The following NKAIN2 variants were observed in gnomAD, a reference collection of about 807,000 sequenced individuals.
NKAIN2 encodes the protein sodium/potassium-transporting ATPase subunit beta-1-interacting protein 2.
A neutral mutation model predicts 32.6 loss-of-function variants in NKAIN2; 14 were observed. That is an observed-to-expected ratio of 0.43 (90% CI 0.28 to 0.67). The LOEUF (loss-of-function observed/expected upper bound fraction) is 0.67, where lower values mean the gene tolerates loss of function less well. Among genes scored for constraint, NKAIN2 ranks in the 30% least tolerant of loss-of-function variants. The probability of loss-of-function intolerance (pLI) is 0.17; values close to 1 mark genes in which losing one functional copy is unlikely to be tolerated. For synonymous variants in NKAIN2, 80 were observed against 87.2 expected (o/e 0.92, Z 0.46); for missense variants, 198 against 258.3 (o/e 0.77, Z 1.60).
chr6:123,950,627 T>A (rs1426997903), intron 1 of NKAIN2, among the ~76,000 whole-genome samples: 1 of 151,936 alleles, frequency 6.6e-6, no homozygotes, highest in Non-Finnish European at 1.5e-5. Flanking sequence ...TGTATTTGTA[T>A]GGTATCAGTT....
At chr6:124,032,588 C>T in intron 1 of NKAIN2, among the ~76,000 whole-genome samples, 1 of 152,016 alleles carries the variant, frequency 6.6e-6, no homozygotes, top group East Asian at 1.9e-4. Flanking sequence ...ATAGATAACA[C>T]ATTCATATTG....
intron 1 of NKAIN2, among the ~76,000 whole-genome samples, chr6:123,819,285 A>C (rs1010995422): frequency 6.6e-6 from 1 of 152,174 alleles, no homozygotes; most frequent in Non-Finnish European, 1.5e-5. Context: ...GATTGGAGAA[A>C]GACTACTGTA....
intron 4 of NKAIN2, among the ~76,000 whole-genome samples, chr6:124,733,325 C>A (rs146511133): frequency 9.2e-5 from 14 of 151,822 alleles, no homozygotes; most frequent in Admixed American, 1.3e-4. Flanking sequence ...TTAATAATAT[C>A]ATTTAGGAGG....
At chr6:124,272,752 T>C (rs114511681) in intron 1 of NKAIN2, among the ~76,000 whole-genome samples, 5,928 of 152,248 alleles carry the variant, frequency 0.039, 360 homozygotes, top group African/African-American at 0.13. Context: ...AAAGCAGCTA[T>C]GGCAACTGTA....
chr6:124,742,041 C>G (rs948944354), intron 4 of NKAIN2, among the ~76,000 whole-genome samples: 1 of 151,802 alleles, frequency 6.6e-6, no homozygotes, highest in African/African-American at 2.4e-5. Flanking sequence ...TCCATCAACT[C>G]TATGTTTCTC....
chr6:124,823,211 C>G lies in NKAIN2; in HGVS notation c.618-9C>G, dbSNP rs746571671. 1.9e-6 allele frequency: 3 copies of G among 1,590,630 alleles called. No individual in the cohort carries two copies. The highest frequency in any genetic ancestry group is 4.5e-5 in the East Asian group (2 of 44,794). On this transcript the variant is annotated splice_polypyrimidine_tract_variant and intron_variant, in intron 6 of 6. Transcript: ENST00000368417. Reference sequence around the variant, plus strand: ...CCCCTTGACTAAAAACATCTTTTCTCTCTCTCAGGTCAAAATAATACAGAT... The same window carrying G: ...CCCCTTGACTAAAAACATCTTTTCTGTCTCTCAGGTCAAAATAATACAGAT...
chr6:124,324,037 C>T (rs559443963), intron 2 of NKAIN2, among the ~76,000 whole-genome samples: 40 of 152,072 alleles, frequency 2.6e-4, no homozygotes, highest in African/African-American at 9.2e-4. Flanking sequence ...GTGATCCACC[C>T]GCCTCAGCCT....
intron 1 of NKAIN2, among the ~76,000 whole-genome samples, chr6:123,883,607 C>A (rs1773561810): frequency 6.6e-6 from 1 of 151,240 alleles, no homozygotes; most frequent in Non-Finnish European, 1.5e-5. Context: ...TCCTTGTAAG[C>A]CTTCAGAACC....
At chr6:123,976,462 G>A (rs1778645338) in intron 1 of NKAIN2, among the ~76,000 whole-genome samples, 1 of 141,592 alleles carries the variant, frequency 7.1e-6, no homozygotes, top group African/African-American at 2.6e-5. Flanking sequence ...ATGTGATTGT[G>A]GGGACTAAAA....
Position 123,849,949 on chromosome 6 carries a change from G to GTTTTTTTTTTTTTTT in NKAIN2, c.54+45707_54+45708insTTTTTTTTTTTTTTT, listed in dbSNP as rs777466801. Among the ~76,000 whole-genome samples, 39 of 38,728 alleles carry GTTTTTTTTTTTTTTT rather than the reference G, an allele frequency of 1.0e-3. 4 individuals are homozygous for GTTTTTTTTTTTTTTT. The highest frequency in any genetic ancestry group is 1.5e-3 in the African/African-American group (36 of 24,358). The allele number at this position is 38,728 out of a possible 152,430, so 25.4% of individuals were successfully genotyped here. The stretch of plus-strand genomic sequence containing the variant: ...TGGTTTCACTCTGTAACTCAGGCTG[G>GTTTTTTTTTTTTTTT]TTTTTTTTTTTTGTTTGTTTGTTTT... On this transcript the variant is annotated intron_variant, in intron 1 of 6. Transcript: ENST00000368417.
intron 3 of NKAIN2, among the ~76,000 whole-genome samples, chr6:124,438,102 C>T (rs1046302314): frequency 6.6e-6 from 1 of 152,022 alleles, no homozygotes; most frequent in African/African-American, 2.4e-5. Flanking sequence ...AAATGGCTTT[C>T]TCAACACATA....
At chr6:124,343,619 T>C (rs1009422374) in intron 2 of NKAIN2, among the ~76,000 whole-genome samples, 1 of 151,672 alleles carries the variant, frequency 6.6e-6, no homozygotes, top group African/African-American at 2.4e-5. Context: ...TTTGGCTGCA[T>C]AAATGTCTTC....
chr6:124,564,877 A>G (rs1392499971), intron 3 of NKAIN2, among the ~76,000 whole-genome samples: 1 of 152,226 alleles, frequency 6.6e-6, no homozygotes. Flanking sequence ...TCTACTTTAA[A>G]TAAACGTAAG....
intron 3 of NKAIN2, among the ~76,000 whole-genome samples, chr6:124,515,214 C>T (rs1371049788): frequency 4.6e-5 from 7 of 151,994 alleles, no homozygotes; most frequent in African/African-American, 1.7e-4. Context: ...GCCTTGGTCA[C>T]TTTGTGTTGC....
At chr6:123,852,131 A>G (rs1775373336) in intron 1 of NKAIN2, among the ~76,000 whole-genome samples, 1 of 152,136 alleles carries the variant, frequency 6.6e-6, no homozygotes, top group Admixed American at 6.5e-5. Context: ...TTTTTGTCCA[A>G]TGTTATAAGG....
intron 1 of NKAIN2, among the ~76,000 whole-genome samples, chr6:123,991,280 C>T (rs1053421270): frequency 6.6e-6 from 1 of 152,032 alleles, no homozygotes; most frequent in Admixed American, 6.6e-5. Flanking sequence ...CCTGTATTTC[C>T]TGAAATGTTC....
At chr6:124,016,904 G>GTAGA (rs1447671606) in intron 1 of NKAIN2, among the ~76,000 whole-genome samples, 1 of 152,134 alleles carries the variant, frequency 6.6e-6, no homozygotes, top group Non-Finnish European at 1.5e-5. Context: ...AACACTTGTG[G>GTAGA]TAGACTAAGA....
chr6:123,871,965 C>G (rs1395414217), intron 1 of NKAIN2, among the ~76,000 whole-genome samples: 2 of 152,118 alleles, frequency 1.3e-5, no homozygotes, highest in African/African-American at 4.8e-5. Flanking sequence ...CTTTAAAGAG[C>G]AGTGGATTCT....
At chr6:124,754,210 G>GTAATT (rs1777856987) in intron 4 of NKAIN2, among the ~76,000 whole-genome samples, 1 of 151,906 alleles carries the variant, frequency 6.6e-6, no homozygotes, top group Non-Finnish European at 1.5e-5. Context: ...GACTTCAGCT[G>GTAATT]GTATTTATGG....
Sources: gnomAD v4.1 joint callset for allele counts (sites outside exome capture counted in the v4.1 genomes callset) on GRCh38, gnomAD v4.1.1 for gene constraint, MANE v1.5 for transcripts, NCBI Gene and HGNC (gene_info 2026-07-23, HGNC 2026-07-21) for gene names.